SPTLC1: variants seen among roughly 807,000 people sequenced by gnomAD.
SPTLC1 encodes serine palmitoyltransferase long chain base subunit 1.
Under a neutral mutation model 68.9 loss-of-function variants are expected in SPTLC1, and 55 were observed. The observed-to-expected ratio is 0.80, with a 90% CI of 0.64 to 1.00. The LOEUF (loss-of-function observed/expected upper bound fraction) is 1.00. Among genes scored for constraint, SPTLC1 ranks in the 50% least tolerant of loss-of-function variants. SPTLC1 has a pLI of 0.00. For missense variants in SPTLC1, 449 were observed against 573.1 expected, an observed-to-expected ratio of 0.78 and a Z score of 2.21; for synonymous variants, 197 against 201.6, an observed-to-expected ratio of 0.98 and a Z score of 0.19.
chr9:92,032,870 T>C (rs375980009), intron 14 of SPTLC1, among the ~76,000 whole-genome samples: 8 of 131,046 alleles, frequency 6.1e-5, no homozygotes, highest in African/African-American at 1.8e-4. Flanking sequence ...AGTGAGACTC[T>C]GTCTCAAAAA....
chr9:92,096,247 G>GTCTCATTAT (rs1835524356), intron 3 of SPTLC1, among the ~76,000 whole-genome samples: 1 of 152,110 alleles, frequency 6.6e-6, no homozygotes. Context: ...ACAGGTCCCT[G>GTCTCATTAT]TCTGATTATC....
intron 2 of SPTLC1, 128 bp downstream of exon 2, chr9:92,112,327 C>T (rs1836278256): frequency 4.4e-6 from 3 of 685,464 alleles, no homozygotes; most frequent in Non-Finnish European, 7.7e-6. Flanking sequence ...TAATTCATTC[C>T]CCTTGATTTC....
intron 3 of SPTLC1, among the ~76,000 whole-genome samples, chr9:92,081,849 T>C (rs1325713311): frequency 6.6e-6 from 1 of 152,144 alleles, no homozygotes; most frequent in Admixed American, 6.6e-5. Context: ...CCAGAAAAAA[T>C]GGAGAAACAC....
intron 5 of SPTLC1, chr9:92,079,181 TTC>T (rs1053743769): frequency 1.1e-5 from 4 of 366,880 alleles, no homozygotes; most frequent in African/African-American, 8.6e-5. Flanking sequence ...GTTGAAGCAA[TTC>T]TCCCACCTCA....
intron 9 of SPTLC1, among the ~76,000 whole-genome samples, chr9:92,049,526 T>C (rs780726445): frequency 6.6e-5 from 10 of 152,196 alleles, no homozygotes; most frequent in Non-Finnish European, 2.9e-5. Context: ...CGCGTAACTG[T>C]ATCTACCTCC....
chr9:92,083,039 T>C (rs1310879535), intron 3 of SPTLC1, among the ~76,000 whole-genome samples: 2 of 152,126 alleles, frequency 1.3e-5, no homozygotes, highest in Admixed American at 6.5e-5. Flanking sequence ...ACATGTCTTC[T>C]TTTGAGAAGT....
chr9:92,075,147 A>G (rs1433361758), intron 5 of SPTLC1, among the ~76,000 whole-genome samples: 1 of 151,478 alleles, frequency 6.6e-6, no homozygotes, highest in Non-Finnish European at 1.5e-5. Flanking sequence ...CAACACCTCT[A>G]CTCCAAGGGG....
At chr9:92,101,496 A>G (rs1276995315) in intron 3 of SPTLC1, among the ~76,000 whole-genome samples, 3 of 136,112 alleles carry the variant, frequency 2.2e-5, no homozygotes, top group African/African-American at 8.3e-5. Flanking sequence ...TGGGAGGCGG[A>G]GCTTGCAGTG....
At chr9:92,076,780 G>A (rs1459098946) in intron 5 of SPTLC1, 4 of 152,146 alleles carry the variant, frequency 2.6e-5, no homozygotes, top group Non-Finnish European at 5.9e-5. Flanking sequence ...TATGCCCCGT[G>A]TCTGGAAACT....
intron 5 of SPTLC1, among the ~76,000 whole-genome samples, chr9:92,069,781 C>A (rs189350024): frequency 4.6e-4 from 70 of 152,338 alleles, no homozygotes; most frequent in Middle Eastern, 3.4e-3. Flanking sequence ...CAAACCTTCA[C>A]AGTTCAGCCA....
At chr9:92,043,413 C>T (rs1275657424) in intron 12 of SPTLC1, among the ~76,000 whole-genome samples, 1 of 152,232 alleles carries the variant, frequency 6.6e-6, no homozygotes, top group East Asian at 1.9e-4. Context: ...CCTCACACTT[C>T]AGACTTGTAT....
At chr9:92,101,129 C>G (rs577214841) in intron 3 of SPTLC1, among the ~76,000 whole-genome samples, 1 of 151,992 alleles carries the variant, frequency 6.6e-6, no homozygotes, top group Non-Finnish European at 1.5e-5. Flanking sequence ...TTCAAATTGC[C>G]TTAAAAGGAA....
At chr9:92,036,045 C>A (rs1833128660) in intron 13 of SPTLC1, among the ~76,000 whole-genome samples, 1 of 152,188 alleles carries the variant, frequency 6.6e-6, no homozygotes, top group Non-Finnish European at 1.5e-5. Context: ...CTTTTCTTTC[C>A]TTCAAATATT....
chr9:92,076,550 T>C (rs1442224379), intron 5 of SPTLC1, among the ~76,000 whole-genome samples: 2 of 152,168 alleles, frequency 1.3e-5, no homozygotes, highest in African/African-American at 4.8e-5. Context: ...CCTCTCCTCC[T>C]TTGATGACCA....
chr9:92,054,877 AC>A (rs1397678635), intron 8 of SPTLC1, among the ~76,000 whole-genome samples: 1 of 151,862 alleles, frequency 6.6e-6, no homozygotes, highest in Non-Finnish European at 1.5e-5. Flanking sequence ...GCGCCACTGC[AC>A]TCCAGCCTGA....
intron 3 of SPTLC1, among the ~76,000 whole-genome samples, chr9:92,097,416 AG>A (rs1473356919): frequency 1.3e-5 from 2 of 152,232 alleles, no homozygotes; most frequent in Non-Finnish European, 2.9e-5. Context: ...TACTCTTACG[AG>A]GGAAAAAACC....
intron 3 of SPTLC1, among the ~76,000 whole-genome samples, chr9:92,083,749 TTAAAG>T (rs1422937096): frequency 6.6e-6 from 1 of 152,128 alleles, no homozygotes; most frequent in Non-Finnish European, 1.5e-5. Context: ...CATATGAACT[TTAAAG>T]TAGTTTTTTC....
At chr9:92,042,759 TG>T (rs2118408196) in intron 12 of SPTLC1, among the ~76,000 whole-genome samples, 1 of 152,274 alleles carries the variant, frequency 6.6e-6, no homozygotes, top group South Asian at 2.1e-4. Context: ...GTGATAAACC[TG>T]TATTCCAAAA....
chr9:92,047,699 T>A lies in SPTLC1; in HGVS notation c.898A>T (p.Ile300Phe), dbSNP rs1324091415. The change falls in exon 10 of 15, where the codon ATT (isoleucine) becomes TTT (phenylalanine). Residue 300 changes from isoleucine (I) to phenylalanine (F), a missense_variant. Coordinates refer to ENST00000262554, the MANE Select transcript of SPTLC1 (RefSeq NM_006415.4). Reference protein sequence around the residue: ...TEHYGINIDDIDLISANMENA... With the variant: ...TEHYGINIDDFDLISANMENA... ...TCCATGTTGGCACTGATAAGATCAA[T>A]ATCATCAATCTGCCGGAAAAGGAGG... 1.2e-6 allele frequency: 2 copies of A among 1,611,660 alleles called. No homozygotes were observed. Among genetic ancestry groups the A allele is most frequent in the African/African-American group, 2.7e-5 (2 of 74,838 alleles).
Sources: gnomAD v4.1 joint callset for allele counts (sites outside exome capture counted in the v4.1 genomes callset) on GRCh38, gnomAD v4.1.1 for gene constraint, MANE v1.5 for transcripts, NCBI Gene and HGNC (gene_info 2026-07-23, HGNC 2026-07-21) for gene names.